The following C1orf21 variants were observed in gnomAD, a reference collection of about 807,000 sequenced individuals.
C1orf21 encodes the protein chromosome 1 open reading frame 21, also known as uncharacterized protein C1orf21.
Under a neutral mutation model 18.7 loss-of-function variants are expected in C1orf21, and 3 were observed. The ratio of observed to expected loss-of-function variants is 0.16; its 90% CI spans 0.07 to 0.42. The LOEUF (loss-of-function observed/expected upper bound fraction) is 0.42. Ranked by LOEUF, C1orf21 falls within the 10% of genes least tolerant of loss-of-function variation. The probability of loss-of-function intolerance (pLI) is 0.99; values close to 1 mark genes in which losing one functional copy is unlikely to be tolerated. For synonymous variants in C1orf21, 41 were observed against 46.4 expected, an observed-to-expected ratio of 0.88 and a Z score of 0.47; for missense variants, 104 against 143.6, an observed-to-expected ratio of 0.72 and a Z score of 1.41.
chr1:184,584,012 C>A (rs1029535527), intron 3 of C1orf21, among the ~76,000 whole-genome samples: 3 of 152,214 alleles, frequency 2.0e-5, no homozygotes, highest in South Asian at 2.1e-4. Context: ...GCTCTCAGCC[C>A]CCTCTGCTGG....
intron 3 of C1orf21, among the ~76,000 whole-genome samples, chr1:184,574,871 A>C (rs1170561686): frequency 6.6e-6 from 1 of 152,188 alleles, no homozygotes; most frequent in African/African-American, 2.4e-5. Context: ...CGGGCTGCGG[A>C]GGGCCCAGTC....
rs770852884 is a variant in C1orf21 at position 184,590,862 on chromosome 1, C to G, written c.266+47C>G. The G allele has an allele frequency of 1.0e-5, 15 of 1,455,200 alleles. No individual in the cohort carries two copies. In the South Asian group the frequency reaches 1.7e-4, roughly 17 times the overall value. The allele number at this position is 1,455,200 out of a possible 1,614,324, so 90.1% of individuals were successfully genotyped here. On this transcript the variant is annotated intron_variant, in intron 4 of 5. Coordinates refer to ENST00000235307, the MANE Select transcript of C1orf21 (RefSeq NM_030806.4). ...CCTTATATAGTCGGCCTTCCATATC[C>G]ATGGATTCTGCATCTGTGGATTCAA...
chr1:184,536,599 G>A (rs906880157), intron 3 of C1orf21, among the ~76,000 whole-genome samples: 1 of 152,154 alleles, frequency 6.6e-6, no homozygotes, highest in African/African-American at 2.4e-5. Context: ...GTTAGGGAGG[G>A]GTAGATATCC....
chr1:184,478,747 G>T (rs1657609780), intron 2 of C1orf21, among the ~76,000 whole-genome samples: 1 of 152,194 alleles, frequency 6.6e-6, no homozygotes, highest in African/African-American at 2.4e-5. Context: ...TTAGTACCAG[G>T]CAGATGAAGC....
At chr1:184,455,564 G>A (rs1322431184) in intron 1 of C1orf21, among the ~76,000 whole-genome samples, 2 of 152,136 alleles carry the variant, frequency 1.3e-5, no homozygotes, top group East Asian at 3.9e-4. Flanking sequence ...CCTTACAGGT[G>A]TTTTTTCCCT....
At chr1:184,540,979 C>T (rs1354841905) in intron 3 of C1orf21, among the ~76,000 whole-genome samples, 1 of 152,172 alleles carries the variant, frequency 6.6e-6, no homozygotes, top group East Asian at 1.9e-4. Context: ...TTGTTGTATG[C>T]TTCCTGTTTG....
chr1:184,531,775 CT>C (rs922242286), intron 3 of C1orf21, among the ~76,000 whole-genome samples: 2 of 152,046 alleles, frequency 1.3e-5, no homozygotes, highest in African/African-American at 4.8e-5. Flanking sequence ...GAGATGATCT[CT>C]TTTTTCCCCA....
chr1:184,445,140 CT>C (rs1208889594), intron 1 of C1orf21, among the ~76,000 whole-genome samples: 1 of 152,070 alleles, frequency 6.6e-6, no homozygotes, highest in Non-Finnish European at 1.5e-5. Context: ...ATATGTTGCC[CT>C]TATTTTTTAC....
At chr1:184,590,652 T>G in intron 3 of C1orf21, 87 bp from the exon 4 acceptor site, 1 of 1,339,614 alleles carries the variant, frequency 7.5e-7, no homozygotes, top group Non-Finnish European at 1.1e-6. Context: ...CCAAACAGAT[T>G]GAACGTTTGT....
intron 2 of C1orf21, among the ~76,000 whole-genome samples, chr1:184,487,743 T>A (rs1183855177): frequency 1.3e-5 from 2 of 152,202 alleles, no homozygotes; most frequent in Non-Finnish European, 2.9e-5. Flanking sequence ...TGTTTTCAGA[T>A]CCTGGCTCGG....
chr1:184,479,719 A>C (rs978772444), intron 2 of C1orf21, among the ~76,000 whole-genome samples: 4 of 145,244 alleles, frequency 2.8e-5, no homozygotes, highest in African/African-American at 1.0e-4. Context: ...TCCTGGGCTC[A>C]AGTGATCCTC....
At chr1:184,506,806 A>G (rs1290129821) in intron 2 of C1orf21, among the ~76,000 whole-genome samples, 2 of 152,116 alleles carry the variant, frequency 1.3e-5, no homozygotes, top group African/African-American at 4.8e-5. Context: ...TATGGTGTAT[A>G]TTGATACTGG....
chr1:184,582,783 G>T (rs968884008), intron 3 of C1orf21, among the ~76,000 whole-genome samples: 2 of 152,168 alleles, frequency 1.3e-5, no homozygotes, highest in African/African-American at 4.8e-5. Flanking sequence ...CATGGGTGTT[G>T]TTCCCTTTAG....
intron 3 of C1orf21, among the ~76,000 whole-genome samples, chr1:184,571,851 G>T (rs1659118027): frequency 6.6e-6 from 1 of 152,160 alleles, no homozygotes; most frequent in African/African-American, 2.4e-5. Flanking sequence ...GACATGCAGA[G>T]TTTCTATCCC....
At chr1:184,572,646 AT>A (rs76491976) in intron 3 of C1orf21, among the ~76,000 whole-genome samples, 1 of 152,088 alleles carries the variant, frequency 6.6e-6, no homozygotes, top group Non-Finnish European at 1.5e-5. Flanking sequence ...TCCATGCAAG[AT>A]TTTTTTTAAA....
At position 184,398,110 on chromosome 1, in the gene C1orf21, C is replaced by T. The variant is rs147741854; in HGVS notation, c.-125+10742C>T. On this transcript the variant is annotated intron_variant, in intron 1 of 5. Coordinates refer to ENST00000235307, the MANE Select transcript of C1orf21 (RefSeq NM_030806.4). ...GATTCAGCGGATTCTATCCTAGTTTCGCCACCTCCTAACTCCAGATTAGTG... is the reference window on the plus strand; with the variant it reads ...GATTCAGCGGATTCTATCCTAGTTTTGCCACCTCCTAACTCCAGATTAGTG... 2.0e-5 allele frequency among the ~76,000 whole-genome samples: 3 copies of T among 152,254 alleles called. No homozygotes were observed. In the East Asian group the frequency reaches 5.8e-4, roughly 29 times the overall value.
At chr1:184,542,722 G>C (rs1004679308) in intron 3 of C1orf21, 1 of 152,134 alleles carries the variant, frequency 6.6e-6, no homozygotes, top group Non-Finnish European at 1.5e-5. Flanking sequence ...TGGAGCACAC[G>C]CTATGTGTGG....
chr1:184,547,256 C>T (rs879350565), intron 3 of C1orf21, among the ~76,000 whole-genome samples: 2 of 152,088 alleles, frequency 1.3e-5, no homozygotes, highest in Non-Finnish European at 2.9e-5. Context: ...TGAGCATGGT[C>T]TTGAATGCCT....
At chr1:184,500,941 T>G (rs1657967122) in intron 2 of C1orf21, among the ~76,000 whole-genome samples, 1 of 152,216 alleles carries the variant, frequency 6.6e-6, no homozygotes, top group South Asian at 2.1e-4. Flanking sequence ...TGAGACTTGC[T>G]GTGACTTCTC....
Sources: gnomAD v4.1 joint callset for allele counts (sites outside exome capture counted in the v4.1 genomes callset) on GRCh38, gnomAD v4.1.1 for gene constraint, MANE v1.5 for transcripts, NCBI Gene and HGNC (gene_info 2026-07-23, HGNC 2026-07-21) for gene names.